USP18: variants seen among roughly 807,000 people sequenced by gnomAD.
USP18 encodes ubiquitin specific peptidase 18, also known as ubl carboxyl-terminal hydrolase 18.
Under a neutral mutation model 48.7 loss-of-function variants are expected in USP18, and 11 were observed. The ratio of observed to expected loss-of-function variants is 0.23; its 90% CI spans 0.14 to 0.37. The LOEUF (loss-of-function observed/expected upper bound fraction) is 0.37, where lower values mean the gene tolerates loss of function less well. USP18 is among the 10% of genes least tolerant of loss of function. The pLI is 1.00. For synonymous variants in USP18, 114 were observed against 163.2 expected, an observed-to-expected ratio of 0.70 and a Z score of 2.30; for missense variants, 285 against 436.4, an observed-to-expected ratio of 0.65 and a Z score of 3.09.
intron 4 of USP18, among the ~76,000 whole-genome samples, chr22:18,166,167 A>G (rs1477389971): frequency 6.6e-6 from 1 of 152,296 alleles, no homozygotes; most frequent in East Asian, 1.9e-4. Context: ...CAATCAACCT[A>G]GCTCCAGGTT....
Position 18,173,789 on chromosome 22 carries a change from C to G in USP18, c.1024-4C>G, listed in dbSNP as rs779944819. The G allele has an allele frequency of 6.2e-6, 10 of 1,607,346 alleles. No homozygotes were observed. In the Admixed American group the frequency reaches 1.7e-4, roughly 27 times the overall value. ...GCTTGACCCCATTTGTTTCTGGCTTCCAGGTGTCCTGGGAAGACATCCAGT... is the reference window on the plus strand; with the variant it reads ...GCTTGACCCCATTTGTTTCTGGCTTGCAGGTGTCCTGGGAAGACATCCAGT... On this transcript the variant is annotated splice_polypyrimidine_tract_variant and splice_region_variant and intron_variant, in intron 9 of 10. Transcript: ENST00000215794.
At chr22:18,159,047 T>C (rs1051226871) in intron 2 of USP18, among the ~76,000 whole-genome samples, 2 of 152,314 alleles carry the variant, frequency 1.3e-5, no homozygotes, top group Admixed American at 1.3e-4. Context: ...CTTTTCTTGT[T>C]ATCGAACTTT....
chr22:18,175,105 G>T (rs1025479229), intron 10 of USP18, among the ~76,000 whole-genome samples: 1 of 152,064 alleles, frequency 6.6e-6, no homozygotes, highest in African/African-American at 2.4e-5. Context: ...AGTAGAGATG[G>T]GGTTTCACCG....
rs143002309 is a variant in USP18 at position 18,173,954 on chromosome 22, C to T, written c.1073+112C>T. The T allele has an allele frequency of 7.7e-3, 11,436 of 1,491,990 alleles. 581 individuals are homozygous for T. The African/African-American group carries it at 0.12, about 16-fold the overall frequency. The allele number at this position is 1,491,990 out of a possible 1,614,324, so 92.4% of individuals were successfully genotyped here. A position where few individuals can be genotyped will look rare whatever the true frequency, so the allele number is the denominator to read the frequency against. On this transcript the variant is annotated intron_variant, in intron 10 of 10. Coordinates refer to ENST00000215794, the MANE Select transcript of USP18 (RefSeq NM_017414.4). ...ACTAACATGCTGATGGCTCACTGTC[C>T]GCCTCATCTCCAGCACTCACCCCAC...
Position 18,160,198 on chromosome 22 carries a change from C to G in USP18, c.184C>G (p.Gln62Glu). 1 of 1,614,196 alleles carries G rather than the reference C, an allele frequency of 6.2e-7. No homozygotes were observed. The highest frequency in any genetic ancestry group is 8.5e-7 in the Non-Finnish European group (1 of 1,180,020). The change falls in exon 3 of 11, where the codon CAG becomes GAG. Residue 62 changes from glutamine (Q) to glutamate (E), a missense_variant. By Grantham distance (29) the Gln-to-Glu change is conservative. Transcript: ENST00000215794. ...CCTGGTTGGTTTACACAACATTGGACAGACCTGCTGCCTTAACTCCTTGAT... is the reference window on the plus strand; with the variant it reads ...CCTGGTTGGTTTACACAACATTGGAGAGACCTGCTGCCTTAACTCCTTGAT... Reference protein sequence around the residue: ...HGLVGLHNIGQTCCLNSLIQV... With the variant: ...HGLVGLHNIGETCCLNSLIQV...
chr22:18,151,549 G>A (rs1476281382), intron 1 of USP18, among the ~76,000 whole-genome samples: 1 of 152,126 alleles, frequency 6.6e-6, no homozygotes, highest in African/African-American at 2.4e-5. Flanking sequence ...GTTAAAAAAT[G>A]TGTTGCACAG....
At position 18,163,758 on chromosome 22, in the gene USP18, A is replaced by C. The variant is rs370593662; in HGVS notation, c.400+1823A>C. ...CCAATTAGCCCTGCCGGACACTCGG[A>C]GCACCTGTTGACCCTTTGTGTTGTC... On this transcript the variant is annotated intron_variant, in intron 4 of 10. Coordinates refer to ENST00000215794, the MANE Select transcript of USP18 (RefSeq NM_017414.4). Among the ~76,000 whole-genome samples, 21 of 152,312 alleles carry C rather than the reference A, an allele frequency of 1.4e-4. 1 individual carries two copies. The South Asian group carries it at 4.1e-3, about 30-fold the overall frequency.
chr22:18,159,010 C>T (rs1929244748), intron 2 of USP18, among the ~76,000 whole-genome samples: 1 of 152,184 alleles, frequency 6.6e-6, no homozygotes, highest in Non-Finnish European at 1.5e-5. Context: ...GGTGACATCT[C>T]ACTTTTCCTA....
At chr22:18,156,233 CAAAACGGACCAATCAGCTCTCTGT>C (rs1462888679) in intron 1 of USP18, among the ~76,000 whole-genome samples, 1 of 151,262 alleles carries the variant, frequency 6.6e-6, no homozygotes, top group East Asian at 1.9e-4. Context: ...AGCACCCTGT[CAAAACGGACCAATCAGCTCTCTGT>C]AAAACAGACC....
intron 4 of USP18, among the ~76,000 whole-genome samples, chr22:18,166,557 A>C (rs1043710396): frequency 6.6e-5 from 10 of 151,408 alleles, no homozygotes; most frequent in African/African-American, 1.9e-4. Context: ...AACACTGGAC[A>C]TCAGAGATCC....
intron 6 of USP18, among the ~76,000 whole-genome samples, chr22:18,168,401 C>G (rs1431497480): frequency 1.3e-5 from 2 of 151,908 alleles, no homozygotes; most frequent in Non-Finnish European, 2.9e-5. Context: ...AACCTCCCCC[C>G]CCCCTTTTTT....
In USP18 at chr22:18,160,792, A is replaced by C. The variant is rs1250484662; in HGVS notation, c.254+524A>C. On this transcript the variant is annotated intron_variant, in intron 3 of 10. Transcript: ENST00000215794. ...CTTTTTTTTTTTTTTTTTTTTTGAG[A>C]TGAAGCCTCACTCTGTCCCCAGGCT... Among the ~76,000 whole-genome samples the C allele has an allele frequency of 6.2e-5, 7 of 112,628 alleles. No homozygotes were observed. The East Asian group carries it at 1.1e-3, about 18-fold the overall frequency. The allele number at this position is 112,628 out of a possible 152,430, so 73.9% of individuals were successfully genotyped here. A position where few individuals can be genotyped will look rare whatever the true frequency, so the allele number is the denominator to read the frequency against.
chr22:18,166,672 AG>A (rs1929484726), intron 4 of USP18, among the ~76,000 whole-genome samples: 1 of 152,064 alleles, frequency 6.6e-6, no homozygotes, highest in South Asian at 2.1e-4. Context: ...TGTCAGCCAG[AG>A]GGGAGGGATC....
intron 3 of USP18, 86 bp downstream of exon 3, chr22:18,160,354 G>T: frequency 6.7e-7 from 1 of 1,492,686 alleles, no homozygotes; most frequent in Non-Finnish European, 9.3e-7. Flanking sequence ...TGCCCAGGCT[G>T]GAGTGCAGTG....
intron 1 of USP18, among the ~76,000 whole-genome samples, chr22:18,155,457 T>A (rs942821691): frequency 6.6e-6 from 1 of 152,208 alleles, no homozygotes; most frequent in African/African-American, 2.4e-5. Context: ...ACCGCTGCAC[T>A]GTGGGAGCCC....
rs775135887 is a variant in USP18, at chr22:18,173,203, C to T, written c.945C>T (p.Asp315=). Residue 315 remains aspartate (D), a synonymous_variant, in exon 9 of 11, where the codon GAC becomes GAT. Coordinates refer to ENST00000215794, the MANE Select transcript of USP18 (RefSeq NM_017414.4). ...TGATTGCGCACGTGGGAATGGCAGA[C>T]TCCGGTCATTACTGTGTCTACATCC... ...FAVIAHVGMA[D]SGHYCVYIRN... 4.3e-6 allele frequency: 7 copies of T among 1,611,198 alleles called. No individual in the cohort carries two copies. In the Admixed American group the frequency reaches 5.0e-5, roughly 12 times the overall value.
rs542464095 is a variant in USP18, at chr22:18,165,565, G to A, written c.401-1690G>A. Among the ~76,000 whole-genome samples the A allele has an allele frequency of 6.3e-5, 9 of 143,630 alleles. No homozygotes were observed. In the East Asian group the frequency reaches 1.0e-3, roughly 16 times the overall value. The allele number at this position is 143,630 out of a possible 152,430, so 94.2% of individuals were successfully genotyped here. A position where few individuals can be genotyped will look rare whatever the true frequency, so the allele number is the denominator to read the frequency against. On this transcript the variant is annotated intron_variant, in intron 4 of 10. Transcript: ENST00000215794. ...TTTAGAAATGCAAATATCACCTTTC[G>A]CCTACCCCTCTCCAGACATTCCCTG... is the stretch of plus-strand genomic sequence containing the variant.
Position 18,167,987 on chromosome 22 carries a change from C to A in USP18, c.578C>A (p.Thr193Asn). 2.5e-6 allele frequency: 4 copies of A among 1,614,172 alleles called. No homozygotes were observed. The highest frequency in any genetic ancestry group is 3.4e-6 in the Non-Finnish European group (4 of 1,180,026). The change falls in exon 6 of 11, where the codon ACC becomes AAC. Residue 193 changes from threonine (T) to asparagine (N), a missense_variant. By Grantham distance (65) the Thr-to-Asn change is moderately conservative. Around this residue, in one of 5 missense-constraint regions of USP18, gnomAD observed 199 missense variants for 239.6 expected, o/e 0.83. Transcript: ENST00000215794. ...AGTAGCAGAAACAGCAGCATGCTCA[C>A]CCTCCCACTTTCTCTTTTTGATGTG... ...MESSRNSSML[T>N]LPLSLFDVDS...
intron 4 of USP18, among the ~76,000 whole-genome samples, chr22:18,164,152 A>G (rs1161677888): frequency 6.6e-6 from 1 of 152,170 alleles, no homozygotes; most frequent in African/African-American, 2.4e-5. Context: ...TGAGCAAACC[A>G]GTGGGAGCAG....
Sources: gnomAD v4.1 joint callset for allele counts (sites outside exome capture counted in the v4.1 genomes callset) on GRCh38, gnomAD v4.1.1 for gene constraint, gnomAD v4.1.1 regional missense constraint, MANE v1.5 for transcripts, NCBI Gene and HGNC (gene_info 2026-07-23, HGNC 2026-07-21) for gene names.